Variants in RFX4 observed in about 807,000 individuals in gnomAD.
RFX4 encodes the protein transcription factor RFX4.
In RFX4, 10 loss-of-function variants were observed where a neutral mutation model predicts 95.0. That is an observed-to-expected ratio of 0.11 (90% CI 0.06 to 0.18). The LOEUF is 0.18. Ranked by LOEUF, RFX4 falls within the 10% of genes least tolerant of loss-of-function variation. The pLI is 1.00. For missense variants in RFX4, 640 were observed against 922.0 expected (o/e 0.69, Z 3.96); for synonymous variants, 321 against 340.7 (o/e 0.94, Z 0.64).
chr12:106,736,605 A>G (rs911716148), intron 15 of RFX4, among the ~76,000 whole-genome samples: 2 of 152,172 alleles, frequency 1.3e-5, no homozygotes, highest in African/African-American at 2.4e-5. Flanking sequence ...ACTTAATCAC[A>G]TGGCCTCATG....
chr12:106,690,991 G>A (rs1389810784), intron 7 of RFX4, among the ~76,000 whole-genome samples: 3 of 152,164 alleles, frequency 2.0e-5, no homozygotes, highest in Non-Finnish European at 4.4e-5. Flanking sequence ...CACTATTGGA[G>A]AGATAAGTAA....
In RFX4 at chr12:106,753,191, A is replaced by G. The variant is rs115421301; in HGVS notation, c.1935+2398A>G. 3.6e-3 allele frequency among the ~76,000 whole-genome samples: 546 copies of G among 152,190 alleles called. 4 individuals carry two copies. The highest frequency in any genetic ancestry group is 0.013 in the African/African-American group (531 of 41,526). On this transcript the variant is annotated intron_variant, in intron 17 of 17. Transcript: ENST00000392842. ...GACTGGTTACCTTTCTGGCCTACTCACAAACTCCCTCCCTCCCCGCAGCCA... is the reference window on the plus strand; with the variant it reads ...GACTGGTTACCTTTCTGGCCTACTCGCAAACTCCCTCCCTCCCCGCAGCCA...
At chr12:106,723,356 G>A (rs765578526) in intron 13 of RFX4, among the ~76,000 whole-genome samples, 70 of 152,156 alleles carry the variant, frequency 4.6e-4, no homozygotes, top group Admixed American at 1.8e-3. Context: ...TTAGTCGACT[G>A]ATCTGATTTC....
chr12:106,620,656 C>A (rs1038620955), intron 2 of RFX4, among the ~76,000 whole-genome samples: 2 of 152,056 alleles, frequency 1.3e-5, no homozygotes, highest in African/African-American at 4.8e-5. Context: ...TCTTGATAAA[C>A]ATCTTAAAAA....
chr12:106,592,172 T>C (rs2039557044), intron 1 of RFX4, among the ~76,000 whole-genome samples: 1 of 149,760 alleles, frequency 6.7e-6, no homozygotes, highest in African/African-American at 2.5e-5. Flanking sequence ...TACTTTATTC[T>C]AGGTGTCTAG....
At chr12:106,614,483 G>C (rs950193500) in intron 2 of RFX4, among the ~76,000 whole-genome samples, 12 of 131,314 alleles carry the variant, frequency 9.1e-5, no homozygotes, top group Non-Finnish European at 1.5e-4. Context: ...TTGCCTGTGT[G>C]TGTGTGTGTG....
chr12:106,668,714 G>A (rs2041224541), intron 4 of RFX4, among the ~76,000 whole-genome samples: 1 of 152,228 alleles, frequency 6.6e-6, no homozygotes, highest in Non-Finnish European at 1.5e-5. Context: ...ACACATCCAT[G>A]CATCCTTGTA....
At chr12:106,648,239 C>G (rs1055533184) in intron 3 of RFX4, among the ~76,000 whole-genome samples, 1 of 152,080 alleles carries the variant, frequency 6.6e-6, no homozygotes, top group African/African-American at 2.4e-5. Flanking sequence ...GCGTGGAACA[C>G]GGTGGAGGAG....
intron 15 of RFX4, among the ~76,000 whole-genome samples, chr12:106,737,019 C>T (rs921276844): frequency 1.3e-5 from 2 of 152,124 alleles, no homozygotes; most frequent in Non-Finnish European, 2.9e-5. Context: ...TCCTTCTACC[C>T]TCTGCCTGAT....
chr12:106,714,840 TC>T (rs2042258607), intron 10 of RFX4: 1 of 152,326 alleles, frequency 6.6e-6, no homozygotes, highest in Non-Finnish European at 1.5e-5. Context: ...ACCTAATTAT[TC>T]ATGTATGTTT....
chr12:106,731,061 T>C (rs1174218875), intron 13 of RFX4, among the ~76,000 whole-genome samples: 3 of 152,028 alleles, frequency 2.0e-5, no homozygotes, highest in South Asian at 4.1e-4. Context: ...AACAGTATAC[T>C]GGTCAGCTTG....
rs1245684951 is a variant in RFX4 at position 106,696,344 on chromosome 12, G to A, written c.731G>A (p.Gly244Asp). ...CCGCCCCACATGCTGCCTGTGCTGG[G>A]CTCCTCCACGGTGGTGAACATTGTC... ...GMPPHMLPVL[G>D]SSTVVNIVGV... The change falls in exon 8 of 18, where the codon GGC (glycine) becomes GAC (aspartate). Residue 244 changes from glycine to aspartate, a missense_variant. By Grantham distance (94) the Gly-to-Asp change is moderately conservative. Coordinates refer to ENST00000392842, the MANE Select transcript of RFX4 (RefSeq NM_213594.3). 6.2e-7 allele frequency: 1 copy of A among 1,614,034 alleles called. No individual in the cohort carries two copies.
At chr12:106,668,766 T>C (rs1235277218) in intron 4 of RFX4, among the ~76,000 whole-genome samples, 1 of 151,886 alleles carries the variant, frequency 6.6e-6, no homozygotes, top group Non-Finnish European at 1.5e-5. Context: ...CCTGGAAGAG[T>C]ATAGGTTATT....
intron 11 of RFX4, among the ~76,000 whole-genome samples, chr12:106,718,654 C>T (rs960616245): frequency 3.9e-5 from 6 of 152,052 alleles, no homozygotes; most frequent in African/African-American, 1.2e-4. Context: ...AATGAGAGAA[C>T]AAAAACTGCT....
chr12:106,707,741 G>A (rs1159264330), intron 8 of RFX4, among the ~76,000 whole-genome samples: 1 of 152,164 alleles, frequency 6.6e-6, no homozygotes. Flanking sequence ...TGATGTGGGA[G>A]AAAGGGCAGT....
chr12:106,693,579 C>T (rs1160502169), intron 7 of RFX4, among the ~76,000 whole-genome samples: 1 of 152,186 alleles, frequency 6.6e-6, no homozygotes, highest in African/African-American at 2.4e-5. Context: ...GGCCCAGGAC[C>T]TGACCTGAGC....
chr12:106,738,382 C>G (rs908272349), intron 15 of RFX4, among the ~76,000 whole-genome samples: 1 of 152,094 alleles, frequency 6.6e-6, no homozygotes, highest in African/African-American at 2.4e-5. Flanking sequence ...AGAAAGATGT[C>G]TAGGATCTTC....
intron 2 of RFX4, among the ~76,000 whole-genome samples, chr12:106,619,910 G>A (rs1435840919): frequency 6.6e-6 from 1 of 152,004 alleles, no homozygotes; most frequent in Non-Finnish European, 1.5e-5. Context: ...TTCTTCTGTG[G>A]TAGGTGGTCC....
intron 8 of RFX4, among the ~76,000 whole-genome samples, chr12:106,702,590 TCCTGTTTCAGTCTTAAGCAAGC>T (rs1166931650): frequency 2.6e-5 from 4 of 152,202 alleles, no homozygotes; most frequent in Non-Finnish European, 4.4e-5. Context: ...CTTTGTACAG[TCCTGTTTCAGTCTTAAGCAAGC>T]CCTGTGCTTT....
Sources: allele counts gnomAD v4.1 joint callset (sites outside exome capture counted in the v4.1 genomes callset), GRCh38; gene constraint gnomAD v4.1.1; transcripts MANE v1.5; gene names NCBI Gene and HGNC (gene_info 2026-07-23, HGNC 2026-07-21).